The following ITGAX variants were observed in gnomAD, a reference collection of about 807,000 sequenced individuals.
The protein encoded by ITGAX is integrin alpha-X.
Under a neutral mutation model 140.2 loss-of-function variants are expected in ITGAX, and 99 were observed. That is an observed-to-expected ratio of 0.71 (90% CI 0.60 to 0.83). The LOEUF (loss-of-function observed/expected upper bound fraction) is 0.83. Among genes scored for constraint, ITGAX ranks in the 40% least tolerant of loss-of-function variants. The pLI is 0.00. For missense variants in ITGAX, 1,444 were observed against 1,482.0 expected (o/e 0.97, Z 0.42); for synonymous variants, 631 against 600.4 (o/e 1.05, Z -0.75).
Position 31,379,550 on chromosome 16 carries a change from T to C in ITGAX, c.2790-18T>C, listed in dbSNP as rs868490153. 66 of 1,555,386 alleles carry C rather than the reference T, an allele frequency of 4.2e-5. 5 individuals are homozygous for C. In the Middle Eastern group the frequency reaches 8.8e-3, roughly 208 times the overall value. On this transcript the variant is annotated intron_variant, in intron 23 of 29. Coordinates refer to ENST00000268296, the MANE Select transcript of ITGAX (RefSeq NM_000887.5). ...CCCCATGGTAGTTCACATCCACTTA[T>C]GCGTCTTCTCTCTCCAGCCACGAAC...
Position 31,381,586 on chromosome 16 carries a change from G to A in ITGAX, c.3388-217G>A, listed in dbSNP as rs192187107. ...GGAGGTTGCAGTGAGCCGAGATCAC[G>A]CCACTGCACTCCAGCCTGGGCAACA... is the stretch of plus-strand genomic sequence containing the variant. On this transcript the variant is annotated intron_variant, in intron 29 of 29. Transcript: ENST00000268296. Among the ~76,000 whole-genome samples, 9 of 152,144 alleles carry A rather than the reference G, an allele frequency of 5.9e-5. No individual in the cohort carries two copies. The East Asian group carries it at 1.5e-3, about 26-fold the overall frequency.
rs1432082418 is a variant in ITGAX, at chr16:31,359,830, G to C, written c.561G>C (p.Gln187His). 6.2e-7 allele frequency: 1 copy of C among 1,614,188 alleles called. No homozygotes were observed. Among genetic ancestry groups the C allele is most frequent in the East Asian group, 2.2e-5 (1 of 44,890 alleles). ...VISQFQRPSTQFSLMQFSNKF... is the reference protein window; with the variant it reads ...VISQFQRPSTHFSLMQFSNKF... ...GCCAGTTCCAGAGACCCAGCACCCA[G>C]GTGTGCCTTTGGGGGAGGGAGGCTG... The change falls in exon 6 of 30, where the codon CAG becomes CAC. Residue 187 changes from glutamine to histidine, a missense_variant and splice_region_variant. Coordinates refer to ENST00000268296, the MANE Select transcript of ITGAX (RefSeq NM_000887.5).
intron 14 of ITGAX, among the ~76,000 whole-genome samples, chr16:31,364,851 T>TCC (rs762052422): frequency 0.04 from 4,172 of 104,666 alleles, 97 homozygotes; most frequent in East Asian, 0.079. Flanking sequence ...CTACTAAAAA[T>TCC]ACAAAAAAAA....
chr16:31,372,679 C>T lies in ITGAX; in HGVS notation c.2366+9C>T, dbSNP rs775618734. 2.7e-5 allele frequency: 44 copies of T among 1,613,148 alleles called. No homozygotes were observed. Among genetic ancestry groups the T allele is most frequent in the Non-Finnish European group, 3.7e-5 (44 of 1,179,452 alleles). ...TCCTTCAGCTTCCCAGGGTGAGCGC[C>T]CCCACCTTAGACCTGCCCTACTGCC... On this transcript the variant is annotated intron_variant, in intron 19 of 29. Coordinates refer to ENST00000268296, the MANE Select transcript of ITGAX (RefSeq NM_000887.5).
chr16:31,377,160 T>C, intron 22 of ITGAX, 22 bp from the exon 23 acceptor site: 1 of 1,613,136 alleles, frequency 6.2e-7, no homozygotes, highest in South Asian at 1.1e-5. Context: ...CTCTGGCAAC[T>C]GAGTCTCTCC....
At chr16:31,369,555 C>T (rs2080934304) in intron 14 of ITGAX, among the ~76,000 whole-genome samples, 1 of 152,222 alleles carries the variant, frequency 6.6e-6, no homozygotes, top group African/African-American at 2.4e-5. Context: ...CAGCAGTTGC[C>T]ACTGTGATCA....
intron 17 of ITGAX, 118 bp downstream of exon 17, chr16:31,371,902 T>G: frequency 8.3e-7 from 1 of 1,206,550 alleles, no homozygotes; most frequent in Non-Finnish European, 1.1e-6. Context: ...GGACCAGCCA[T>G]GCAGGACGTG....
At position 31,362,945 on chromosome 16, in the gene ITGAX, A is replaced by G. The variant is rs1044106426; in HGVS notation, c.1370A>G (p.Tyr457Cys). 1.7e-5 allele frequency: 28 copies of G among 1,611,598 alleles called. No homozygotes were observed. Among genetic ancestry groups the G allele is most frequent in the African/African-American group, 2.7e-5 (2 of 74,794 alleles). Residue 457 changes from tyrosine to cysteine, a missense_variant, in exon 13 of 30, where the codon TAC becomes TGC. Transcript: ENST00000268296. ...GGCTCTGCCCTTCAGATCGGCTCCTACTTCGGGGCCTCCCTCTGCTCCGTG... is the reference window on the plus strand; with the variant it reads ...GGCTCTGCCCTTCAGATCGGCTCCTGCTTCGGGGCCTCCCTCTGCTCCGTG... Reference protein sequence around the residue: ...AEVTGTQIGSYFGASLCSVDV... With the variant: ...AEVTGTQIGSCFGASLCSVDV...
rs201621258 is a variant in ITGAX, at chr16:31,357,322, G to C, written c.388G>C (p.Gly130Arg). ...CCTCACCGGACTCTGCTTCCTCCTG[G>C]GCCCCACCCAGCTCACCCAGAGGCT... ...MYLTGLCFLL[G>R]PTQLTQRLPV... Residue 130 changes from glycine to arginine, a missense_variant, in exon 5 of 30, where the codon GGC (glycine) becomes CGC (arginine). Coordinates refer to ENST00000268296, the MANE Select transcript of ITGAX (RefSeq NM_000887.5). The C allele has an allele frequency of 5.4e-5, 87 of 1,607,844 alleles. No individual in the cohort carries two copies. The highest frequency in any genetic ancestry group is 2.4e-5 in the Non-Finnish European group (28 of 1,177,882).
Position 31,357,341 on chromosome 16 carries a change from A to C in ITGAX, c.407A>C (p.Gln136Pro). 6.2e-7 allele frequency: 1 copy of C among 1,605,380 alleles called. No homozygotes were observed. Among genetic ancestry groups the C allele is most frequent in the Non-Finnish European group, 8.5e-7 (1 of 1,176,556 alleles). ...CFLLGPTQLT[Q>P]RLPVSRQECP... ...CTCCTGGGCCCCACCCAGCTCACCC[A>C]GAGGCTCCCGGTGTCCAGGCAGGGT... The change falls in exon 5 of 30, where the codon CAG becomes CCG. Residue 136 changes from glutamine to proline, a missense_variant. Gln to Pro is a moderately conservative substitution (Grantham distance 76). Coordinates refer to ENST00000268296, the MANE Select transcript of ITGAX (RefSeq NM_000887.5).
intron 20 of ITGAX, 118 bp downstream of exon 20, chr16:31,373,508 C>T (rs752340812): frequency 2.1e-5 from 22 of 1,036,262 alleles, no homozygotes; most frequent in Non-Finnish European, 2.8e-5. Context: ...CGCCTCTGCT[C>T]GTGTGGGTGT....
chr16:31,376,626 A>G (rs2081021426), intron 20 of ITGAX, among the ~76,000 whole-genome samples, 173 bp from the exon 21 acceptor site: 3 of 152,218 alleles, frequency 2.0e-5, no homozygotes, highest in Admixed American at 1.3e-4. Context: ...CCTGGTCTCA[A>G]AAAACAAACA....
rs530915536 is a variant in ITGAX, at chr16:31,372,280, C to A, written c.2161-98C>A. 7 of 1,441,426 alleles carry A rather than the reference C, an allele frequency of 4.9e-6. No individual in the cohort carries two copies. In the African/African-American group the frequency reaches 8.6e-5, roughly 18 times the overall value. The allele number at this position is 1,441,426 out of a possible 1,614,324, so 89.3% of individuals were successfully genotyped here. On this transcript the variant is annotated intron_variant, in intron 17 of 29. Coordinates refer to ENST00000268296, the MANE Select transcript of ITGAX (RefSeq NM_000887.5). Reference sequence around the variant, plus strand: ...GGCTCTGGAGGAAGCTGAAGCCGCGCGGGAGCTGGGCAGAGGCAGGATAAG... The same window carrying A: ...GGCTCTGGAGGAAGCTGAAGCCGCGAGGGAGCTGGGCAGAGGCAGGATAAG...
At chr16:31,359,139 G>T (rs1482700594) in intron 5 of ITGAX, among the ~76,000 whole-genome samples, 3 of 151,930 alleles carry the variant, frequency 2.0e-5, no homozygotes, top group Admixed American at 6.6e-5. Flanking sequence ...CTCTTTTGTT[G>T]ATGGGGCTGA....
intron 17 of ITGAX, 48 bp downstream of exon 17, chr16:31,371,832 A>C (rs745919070): frequency 1.3e-6 from 2 of 1,597,388 alleles, no homozygotes; most frequent in East Asian, 4.5e-5. Flanking sequence ...GGGCTGGCAG[A>C]AGGCAGGGCA....
At position 31,379,885 on chromosome 16, in the gene ITGAX, G is replaced by A. The variant is rs751130455; in HGVS notation, c.2976+21G>A. The A allele has an allele frequency of 4.3e-6, 7 of 1,611,632 alleles. No homozygotes were observed. In the South Asian group the frequency reaches 7.7e-5, roughly 18 times the overall value. On this transcript the variant is annotated intron_variant, in intron 25 of 29. Transcript: ENST00000268296. The stretch of plus-strand genomic sequence containing the variant: ...CCCAGGTACCCAAGGACTGCATGTG[G>A]CTCCTCCACGAATGCCCTTTCTACC...
rs778488848 is a variant in ITGAX, at chr16:31,356,747, C to T, written c.247+19C>T. The T allele has an allele frequency of 5.8e-5, 89 of 1,542,788 alleles. No individual in the cohort carries two copies. The highest frequency in any genetic ancestry group is 1.4e-4 in the African/African-American group (10 of 73,754). The stretch of plus-strand genomic sequence containing the variant: ...CTGCAGGGTGAGTCACCGCCCCTCC[C>T]GGGACCCAGGGCCGGGCTCCCAGGC... On this transcript the variant is annotated intron_variant, in intron 3 of 29. Transcript: ENST00000268296.
At chr16:31,376,220 A>G (rs1199427489) in intron 20 of ITGAX, among the ~76,000 whole-genome samples, 1 of 152,230 alleles carries the variant, frequency 6.6e-6, no homozygotes, top group Non-Finnish European at 1.5e-5. Flanking sequence ...TAAATTTTCC[A>G]TTATAAGAGG....
chr16:31,379,447 C>A, intron 23 of ITGAX, 121 bp from the exon 24 acceptor site: 1 of 948,618 alleles, frequency 1.1e-6, no homozygotes, highest in Non-Finnish European at 1.6e-6. Context: ...AACTCAGCCA[C>A]AGCCCTCATT....
Sources: gnomAD v4.1 joint callset for allele counts (sites outside exome capture counted in the v4.1 genomes callset) on GRCh38, gnomAD v4.1.1 for gene constraint, MANE v1.5 for transcripts, NCBI Gene and HGNC (gene_info 2026-07-23, HGNC 2026-07-21) for gene names.